ITGA2: variants seen among roughly 807,000 people sequenced by gnomAD.
ITGA2 encodes integrin alpha-2.
In ITGA2, 101 loss-of-function variants were observed where a neutral mutation model predicts 146.3. The observed-to-expected ratio is 0.69, with a 90% CI of 0.59 to 0.81. The LOEUF is 0.81. Among genes scored for constraint, ITGA2 ranks in the 40% least tolerant of loss-of-function variants. ITGA2 has a pLI of 0.00. For synonymous variants in ITGA2, 477 were observed against 487.1 expected (o/e 0.98, Z 0.27); for missense variants, 1,281 against 1,402.7 (o/e 0.91, Z 1.39).
chr5:53,015,603 G>C (rs1015687411), intron 1 of ITGA2, among the ~76,000 whole-genome samples: 1 of 152,084 alleles, frequency 6.6e-6, no homozygotes, highest in Non-Finnish European at 1.5e-5. Flanking sequence ...ATGTCTATTA[G>C]GTCCATTTGA....
At chr5:53,035,596 T>C (rs1743451901) in intron 2 of ITGA2, among the ~76,000 whole-genome samples, 1 of 152,212 alleles carries the variant, frequency 6.6e-6, no homozygotes, top group Admixed American at 6.5e-5. Flanking sequence ...ATGATAGCAG[T>C]ATTTCCAAAT....
Position 53,092,327 on chromosome 5 carries a change from A to C in ITGA2, c.*1728A>C, listed in dbSNP as rs1397279926. ...TATGATCTGGACTTCCTATAATACA[A>C]ATACACAATCCTCCAAGAATTTGAC... On this transcript the variant is annotated 3_prime_UTR_variant, in exon 30 of 30. Coordinates refer to ENST00000296585, the MANE Select transcript of ITGA2 (RefSeq NM_002203.4). 6.6e-6 allele frequency: 1 copy of C among 152,136 alleles called. No homozygotes were observed. The highest frequency in any genetic ancestry group is 1.9e-4 in the East Asian group (1 of 5,176). 9.4% of individuals were successfully genotyped at this position (152,136 alleles called of 1,614,324 possible).
In ITGA2 at chr5:53,062,931, TAA is replaced by T. The variant is rs545988273; in HGVS notation, c.1602+14_1602+15del. ...GTCTACCTGTTTACTATCAAAGAGG[TAA>T]AAAAAAAAAAATAAACTAATAGTTT... is the stretch of plus-strand genomic sequence containing the variant. On this transcript the variant is annotated splice_donor_region_variant and intron_variant, in intron 13 of 29. Transcript: ENST00000296585. 950 of 1,290,016 alleles carry T rather than the reference TAA, an allele frequency of 7.4e-4. No individual in the cohort carries two copies. Among genetic ancestry groups the T allele is most frequent in the Admixed American group, 1.1e-3 (55 of 50,200 alleles). 79.9% of individuals were successfully genotyped at this position (1,290,016 alleles called of 1,614,324 possible).
chr5:53,061,096 A>G (rs776675922), intron 12 of ITGA2, 50 bp downstream of exon 12: 1 of 1,587,286 alleles, frequency 6.3e-7, no homozygotes, highest in Non-Finnish European at 8.6e-7. Context: ...GCAACTGGGC[A>G]GGTGGGGAGT....
At chr5:52,995,867 G>A (rs1172706323) in intron 1 of ITGA2, among the ~76,000 whole-genome samples, 1 of 152,174 alleles carries the variant, frequency 6.6e-6, no homozygotes, top group East Asian at 1.9e-4. Context: ...AGGGTCAGGT[G>A]AGGAAGAGGA....
chr5:53,033,849 C>T (rs768249870), intron 2 of ITGA2, among the ~76,000 whole-genome samples: 17 of 151,330 alleles, frequency 1.1e-4, no homozygotes, highest in Admixed American at 2.0e-4. Flanking sequence ...CTGCAAGCTC[C>T]GCCTCCTGGG....
chr5:53,032,824 A>C lies in ITGA2; in HGVS notation c.185+5956A>C, dbSNP rs9968673. 2.6e-5 allele frequency among the ~76,000 whole-genome samples: 4 copies of C among 152,188 alleles called. No individual in the cohort carries two copies. In the East Asian group the frequency reaches 5.8e-4, roughly 22 times the overall value. ...AGACAGGAATTTCTTGTATGAATAT[A>C]CTCAGGAGCCGGAGCACAAGGGTTT... On this transcript the variant is annotated intron_variant, in intron 2 of 29. Coordinates refer to ENST00000296585, the MANE Select transcript of ITGA2 (RefSeq NM_002203.4).
chr5:53,051,245 A>C (rs1028045060), intron 6 of ITGA2, among the ~76,000 whole-genome samples, 166 bp from the exon 7 acceptor site: 1 of 152,204 alleles, frequency 6.6e-6, no homozygotes, highest in African/African-American at 2.4e-5. Flanking sequence ...ACAGAGAAGA[A>C]ATCATTCCAT....
intron 4 of ITGA2, among the ~76,000 whole-genome samples, chr5:53,046,715 A>G (rs1744109259): frequency 6.6e-6 from 1 of 151,912 alleles, no homozygotes; most frequent in Non-Finnish European, 1.5e-5. Context: ...AGAAAGAAAA[A>G]AAGAAAAAAC....
chr5:53,008,423 G>A lies in ITGA2; in HGVS notation c.65-18325G>A, dbSNP rs117724030. On this transcript the variant is annotated intron_variant, in intron 1 of 29. Transcript: ENST00000296585. ...CCAAATACAATCACATTGAGGGTTA[G>A]GGTTTGAATACAGGAATTTTGAGAG... Among the ~76,000 whole-genome samples, 177 of 151,238 alleles carry A rather than the reference G, an allele frequency of 1.2e-3. 2 individuals carry two copies. In the South Asian group the frequency reaches 0.027, roughly 23 times the overall value.
At chr5:53,068,282 G>A (rs146315595) in intron 16 of ITGA2, among the ~76,000 whole-genome samples, 10 of 151,994 alleles carry the variant, frequency 6.6e-5, no homozygotes, top group African/African-American at 2.2e-4. Flanking sequence ...CCATGCAGAT[G>A]TTCAAAGATT....
chr5:53,087,077 GTC>G (rs758909755), intron 28 of ITGA2, 36 bp downstream of exon 28: 2 of 1,429,196 alleles, frequency 1.4e-6, no homozygotes, highest in Non-Finnish European at 2.0e-6. Context: ...GAGCCTCAGG[GTC>G]TGTGATGGCA....
intron 7 of ITGA2, 134 bp downstream of exon 7, chr5:53,051,693 G>GA: frequency 1.1e-6 from 1 of 908,794 alleles, no homozygotes; most frequent in Non-Finnish European, 1.7e-6. Context: ...AACTAATAAA[G>GA]AAAAAAACAT....
chr5:53,041,941 G>A (rs1743817799), intron 2 of ITGA2, among the ~76,000 whole-genome samples, 171 bp from the exon 3 acceptor site: 3 of 152,094 alleles, frequency 2.0e-5, no homozygotes, highest in Non-Finnish European at 4.4e-5. Flanking sequence ...TACAGACATT[G>A]ATCAAAGCTC....
intron 2 of ITGA2, among the ~76,000 whole-genome samples, chr5:53,038,343 G>C (rs945477165): frequency 6.6e-6 from 1 of 152,094 alleles, no homozygotes; most frequent in Non-Finnish European, 1.5e-5. Flanking sequence ...TTTGCATTTG[G>C]TATTGTCTGA....
chr5:53,005,675 A>G (rs554100047), intron 1 of ITGA2, among the ~76,000 whole-genome samples: 2 of 152,230 alleles, frequency 1.3e-5, no homozygotes, highest in South Asian at 4.1e-4. Context: ...GTATAATGAT[A>G]CTAATCGTAA....
At chr5:53,058,196 AG>A in intron 10 of ITGA2, 95 bp downstream of exon 10, 1 of 897,688 alleles carries the variant, frequency 1.1e-6, no homozygotes, top group South Asian at 1.3e-5. Flanking sequence ...ACAGCCATCT[AG>A]GGATCAGCCC....
chr5:53,064,799 C>A, intron 13 of ITGA2, 113 bp from the exon 14 acceptor site: 1 of 967,102 alleles, frequency 1.0e-6, no homozygotes, highest in Non-Finnish European at 1.7e-6. Flanking sequence ...TCTGCCTCAG[C>A]CTCTGGAGTC....
chr5:53,072,775 A>G (rs1745463179), intron 19 of ITGA2, 80 bp downstream of exon 19: 5 of 1,198,120 alleles, frequency 4.2e-6, no homozygotes, highest in Non-Finnish European at 6.0e-6. Flanking sequence ...GAATGTTTAT[A>G]GAGTTTTTCT....
Sources: gnomAD v4.1 joint callset for allele counts (sites outside exome capture counted in the v4.1 genomes callset) on GRCh38, gnomAD v4.1.1 for gene constraint, MANE v1.5 for transcripts, NCBI Gene and HGNC (gene_info 2026-07-23, HGNC 2026-07-21) for gene names.